FARP1: variants seen among roughly 807,000 people sequenced by gnomAD.
FARP1 encodes FERM, ARH/RhoGEF and pleckstrin domain protein 1, also known as FERM, ARHGEF and pleckstrin domain-containing protein 1.
Under a neutral mutation model 128.8 loss-of-function variants are expected in FARP1, and 52 were observed. That is an observed-to-expected ratio of 0.40 (90% confidence interval 0.32 to 0.51). The LOEUF is 0.51. FARP1 is among the 20% of genes least tolerant of loss of function. The pLI, the probability that FARP1 is intolerant of heterozygous loss-of-function variation, is 0.45. For missense variants in FARP1, 1,333 were observed against 1,367.9 expected (o/e 0.97, Z 0.40); for synonymous variants, 580 against 551.8 (o/e 1.05, Z -0.72).
chr13:98,185,558 A>G (rs186547463), intron 1 of FARP1, among the ~76,000 whole-genome samples: 2 of 151,860 alleles, frequency 1.3e-5, no homozygotes, highest in East Asian at 3.9e-4. Context: ...ATGGGATGCT[A>G]CCTTTCTTGA....
At chr13:98,312,010 AT>A (rs1886482139) in intron 2 of FARP1, among the ~76,000 whole-genome samples, 1 of 150,356 alleles carries the variant, frequency 6.7e-6, no homozygotes, top group Non-Finnish European at 1.5e-5. Flanking sequence ...TGCTTGGCTA[AT>A]TTTTGTATTT....
In FARP1 at chr13:98,439,175, G is replaced by T; in HGVS notation, c.2412G>T (p.Gln804His). 1 of 1,613,562 alleles carries T rather than the reference G, an allele frequency of 6.2e-7. No homozygotes were observed. Among genetic ancestry groups the T allele is most frequent in the South Asian group, 1.1e-5 (1 of 90,972 alleles). The part of the protein sequence containing the change: ...TASNQFKVHG[Q>H]LPLYGMTIEE... ...CCAATCAGTTTAAAGTCCACGGGCA[G>T]CTCCCGCTCTATGGCATGACGGTGA... Residue 804 changes from glutamine to histidine, a missense_variant, in exon 21 of 27, where the codon CAG becomes CAT. Physicochemically the swap from Gln to His is conservative, Grantham distance 24. This residue lies in a region of FARP1 where 1,009 missense variants were observed against 969.8 expected (regional missense o/e 1.04). Coordinates refer to ENST00000319562, the MANE Select transcript of FARP1 (RefSeq NM_005766.4).
At position 98,453,207 on chromosome 13, in the gene FARP1, T is replaced by A; in HGVS notation, c.*4890T>A. On this transcript the variant is annotated 3_prime_UTR_variant, in exon 27 of 27. Transcript: ENST00000319562. ...TGAAGTTCCTCCACCACTTAGAGAG[T>A]ATCTAGGGAAAAAGAGAGAGAGAGA... 1 of 1,612,506 alleles carries A rather than the reference T, an allele frequency of 6.2e-7. No individual in the cohort carries two copies. The highest frequency in any genetic ancestry group is 8.5e-7 in the Non-Finnish European group (1 of 1,179,390).
intron 1 of FARP1, among the ~76,000 whole-genome samples, chr13:98,158,062 C>CATATA (rs1566676367): frequency 6.6e-6 from 1 of 152,172 alleles, no homozygotes; most frequent in Non-Finnish European, 1.5e-5. Flanking sequence ...CTATGCATGA[C>CATATA]ATATATGCAT....
intron 24 of FARP1, chr13:98,445,272 A>G (rs1252030195): frequency 1.3e-5 from 2 of 152,272 alleles, no homozygotes; most frequent in African/African-American, 4.8e-5. Flanking sequence ...ATTCAGTGGC[A>G]TTAAGTGCCT....
At chr13:98,433,157 C>T (rs1165425543) in intron 18 of FARP1, 3 of 152,222 alleles carry the variant, frequency 2.0e-5, no homozygotes, top group Non-Finnish European at 4.4e-5. Flanking sequence ...AAAGCAGCGG[C>T]TACATCCCAC....
At chr13:98,197,734 A>T (rs1454373084) in intron 1 of FARP1, among the ~76,000 whole-genome samples, 6 of 151,558 alleles carry the variant, frequency 4.0e-5, no homozygotes, top group Non-Finnish European at 1.5e-5. Context: ...TCCCGGGTTC[A>T]CGCCATTCTT....
chr13:98,272,453 C>T (rs993011925), intron 2 of FARP1, among the ~76,000 whole-genome samples: 22 of 152,112 alleles, frequency 1.4e-4, no homozygotes, highest in Non-Finnish European at 2.2e-4. Context: ...TTTGGGAACC[C>T]GTTCGTGAAA....
intron 3 of FARP1, among the ~76,000 whole-genome samples, chr13:98,345,197 C>G (rs1888129432): frequency 6.6e-6 from 1 of 152,238 alleles, no homozygotes; most frequent in Admixed American, 6.5e-5. Flanking sequence ...CAACCCCGTT[C>G]TGTGCCTGCC....
intron 2 of FARP1, among the ~76,000 whole-genome samples, chr13:98,267,365 C>G (rs1884169373): frequency 6.6e-6 from 1 of 152,116 alleles, no homozygotes; most frequent in Admixed American, 6.5e-5. Context: ...GTCGGCCGAG[C>G]CCATTTTCCC....
intron 5 of FARP1, among the ~76,000 whole-genome samples, chr13:98,372,804 T>A (rs1889407099): frequency 6.6e-6 from 1 of 152,174 alleles, no homozygotes; most frequent in Non-Finnish European, 1.5e-5. Context: ...CGTCCACTCT[T>A]CTGCTAAGGA....
Position 98,450,670 on chromosome 13 carries a change from G to A in FARP1, c.*2353G>A, listed in dbSNP as rs1893144756. 6.6e-6 allele frequency: 1 copy of A among 152,262 alleles called. No individual in the cohort carries two copies. The allele number at this position is 152,262 out of a possible 1,614,324, so 9.4% of individuals were successfully genotyped here. ...GCTGAGCCAGGAGCAGCTCAGGGCT[G>A]GCACTGAGAGGCTACTGGTGACAGT... On this transcript the variant is annotated 3_prime_UTR_variant, in exon 27 of 27. Transcript: ENST00000319562.
At chr13:98,244,941 C>A in intron 2 of FARP1, 1 of 1,335,912 alleles carries the variant, frequency 7.5e-7, no homozygotes, top group Non-Finnish European at 9.6e-7. Context: ...GATTTGGTGC[C>A]TCTTAAAGGG....
At chr13:98,240,042 G>GGGGA (rs1157844782) in intron 2 of FARP1, among the ~76,000 whole-genome samples, 1 of 152,136 alleles carries the variant, frequency 6.6e-6, no homozygotes, top group Admixed American at 6.5e-5. Context: ...GGAGGCAGGA[G>GGGGA]GGGAGGTGGC....
chr13:98,409,605 TATAC>T, intron 14 of FARP1, 80 bp downstream of exon 14: 4 of 1,308,008 alleles, frequency 3.1e-6, no homozygotes, highest in Non-Finnish European at 2.1e-6. Flanking sequence ...TGTACTAAAA[TATAC>T]ATAAGAGCAA....
At chr13:98,385,935 GA>G in intron 8 of FARP1, 121 bp downstream of exon 8, 2 of 1,064,062 alleles carry the variant, frequency 1.9e-6, no homozygotes, top group African/African-American at 3.2e-5. Flanking sequence ...GGCGAACAAA[GA>G]AAAATTAACC....
chr13:98,204,816 T>C (rs1480006278), intron 1 of FARP1, among the ~76,000 whole-genome samples: 1 of 152,076 alleles, frequency 6.6e-6, no homozygotes, highest in Admixed American at 6.6e-5. Context: ...GTGGTGGTGG[T>C]GCATATTTGC....
chr13:98,384,347 C>T (rs1319173561), intron 6 of FARP1: 8 of 196,114 alleles, frequency 4.1e-5, no homozygotes, highest in African/African-American at 7.0e-5. Flanking sequence ...TGCCCGCCAC[C>T]GTACCCAGCC....
intron 1 of FARP1, among the ~76,000 whole-genome samples, chr13:98,183,055 C>T (rs1878635405): frequency 6.6e-6 from 1 of 152,130 alleles, no homozygotes; most frequent in Non-Finnish European, 1.5e-5. Context: ...AATATTTTTG[C>T]ATATATTTTG....
Sources: allele counts gnomAD v4.1 joint callset (sites outside exome capture counted in the v4.1 genomes callset), GRCh38; gene constraint gnomAD v4.1.1; regional missense constraint gnomAD v4.1.1; transcripts MANE v1.5; gene names NCBI Gene and HGNC (gene_info 2026-07-23, HGNC 2026-07-21).